Variants in TMTC2 observed in about 807,000 individuals in gnomAD.
TMTC2 encodes the protein transmembrane O-mannosyltransferase targeting cadherins 2.
A neutral mutation model predicts 82.4 loss-of-function variants in TMTC2; 43 were observed. That is an observed-to-expected ratio of 0.52 (90% confidence interval 0.41 to 0.67). TMTC2 has a LOEUF of 0.67. TMTC2 is among the 30% of genes least tolerant of loss of function. TMTC2 has a pLI of 0.00. For missense variants in TMTC2, 919 were observed against 1,012.4 expected (o/e 0.91, Z 1.25); for synonymous variants, 408 against 381.9 (o/e 1.07, Z -0.80).
In TMTC2 at chr12:83,051,575, C is replaced by T. The variant is rs554251218; in HGVS notation, c.2267+557C>T. On this transcript the variant is annotated intron_variant, in intron 10 of 11. Coordinates refer to ENST00000321196, the MANE Select transcript of TMTC2 (RefSeq NM_152588.3). ...CTAATTAAATGTCTCCAAAGCAAAA[C>T]ATTATGTCAGTAAACTGCATCTCAA... 7.2e-5 allele frequency among the ~76,000 whole-genome samples: 11 copies of T among 152,200 alleles called. No individual in the cohort carries two copies. The East Asian group carries it at 2.1e-3, about 29-fold the overall frequency.
intron 11 of TMTC2, among the ~76,000 whole-genome samples, chr12:83,095,024 A>T (rs1390276848): frequency 6.6e-6 from 1 of 152,200 alleles, no homozygotes; most frequent in East Asian, 1.9e-4. Context: ...AGATACTAGG[A>T]AATTCTGTGA....
rs1163943547 is a variant in TMTC2 at position 83,132,435 on chromosome 12, T to C, written c.*46T>C. 1 of 1,603,460 alleles carries C rather than the reference T, an allele frequency of 6.2e-7. No homozygotes were observed. The highest frequency in any genetic ancestry group is 2.2e-5 in the East Asian group (1 of 44,678). ...CCTCCTCCATTTTTAAAAGCTGGCT[T>C]CCTTAGCAGACAGAACTTCCCAGCA... On this transcript the variant is annotated 3_prime_UTR_variant, in exon 12 of 12. Transcript: ENST00000321196.
chr12:82,863,854 G>T (rs187030626), intron 2 of TMTC2, among the ~76,000 whole-genome samples: 1 of 152,134 alleles, frequency 6.6e-6, no homozygotes, highest in Non-Finnish European at 1.5e-5. Context: ...GTATGAAGTC[G>T]AGAATAGTGC....
chr12:83,030,094 G>A (rs540495200), intron 8 of TMTC2, among the ~76,000 whole-genome samples: 81 of 152,070 alleles, frequency 5.3e-4, no homozygotes, highest in Non-Finnish European at 7.5e-4. Context: ...TTACAGGCCT[G>A]TAAATATTTG....
intron 8 of TMTC2, among the ~76,000 whole-genome samples, chr12:83,009,967 C>A (rs551789680): frequency 9.2e-5 from 14 of 152,306 alleles, no homozygotes; most frequent in Non-Finnish European, 1.9e-4. Flanking sequence ...TGCCACTGAT[C>A]TGACAGGAGA....
At chr12:82,851,767 T>C (rs1322910003) in intron 1 of TMTC2, among the ~76,000 whole-genome samples, 1 of 152,204 alleles carries the variant, frequency 6.6e-6, no homozygotes, top group African/African-American at 2.4e-5. Context: ...TGGCCTTTGC[T>C]TACTTTCAAG....
chr12:82,973,893 A>G (rs1372106042), intron 7 of TMTC2, among the ~76,000 whole-genome samples: 1 of 152,184 alleles, frequency 6.6e-6, no homozygotes, highest in Admixed American at 6.5e-5. Flanking sequence ...TTAAAACCAC[A>G]AGAGCCCACC....
chr12:82,867,901 T>C (rs1871949194), intron 2 of TMTC2, among the ~76,000 whole-genome samples: 1 of 152,184 alleles, frequency 6.6e-6, no homozygotes, highest in Non-Finnish European at 1.5e-5. Flanking sequence ...ATTTGGTATT[T>C]GGCTAATCTT....
chr12:82,980,851 T>G (rs1016836585), intron 7 of TMTC2, among the ~76,000 whole-genome samples: 2 of 151,950 alleles, frequency 1.3e-5, no homozygotes, highest in Admixed American at 1.3e-4. Context: ...TTCTTCATTC[T>G]GAAGCACGAT....
chr12:82,838,310 G>A (rs1870157915), intron 1 of TMTC2, among the ~76,000 whole-genome samples: 2 of 152,142 alleles, frequency 1.3e-5, no homozygotes, highest in Non-Finnish European at 2.9e-5. Context: ...AATGACTAAT[G>A]CACCATAATC....
chr12:83,047,949 C>G (rs1882203421), intron 9 of TMTC2, among the ~76,000 whole-genome samples: 1 of 152,020 alleles, frequency 6.6e-6, no homozygotes, highest in South Asian at 2.1e-4. Context: ...GTAAAGGGAC[C>G]CCTTGTTATG....
chr12:82,921,947 A>AAAAAAAAAAATT, intron 3 of TMTC2, among the ~76,000 whole-genome samples: 1 of 142,282 alleles, frequency 7.0e-6, no homozygotes, highest in Non-Finnish European at 1.6e-5. Context: ...AATTAAAATT[A>AAAAAAAAAAATT]AAAAAAAAAA....
chr12:82,915,130 A>G (rs768219530), intron 3 of TMTC2, among the ~76,000 whole-genome samples: 9 of 152,052 alleles, frequency 5.9e-5, no homozygotes, highest in Non-Finnish European at 1.0e-4. Flanking sequence ...CGGCCTTACA[A>G]TTCTTTTACA....
intron 8 of TMTC2, among the ~76,000 whole-genome samples, chr12:83,029,398 A>G: frequency 6.6e-6 from 1 of 152,162 alleles, no homozygotes; most frequent in Non-Finnish European, 1.5e-5. Context: ...TTCTTCTTCC[A>G]ATGTGGCCCA....
intron 8 of TMTC2, among the ~76,000 whole-genome samples, chr12:83,027,673 G>T (rs1216343833): frequency 1.3e-5 from 2 of 152,142 alleles, no homozygotes; most frequent in Non-Finnish European, 2.9e-5. Context: ...GGTCAAAGCA[G>T]AAAGATGAGT....
At chr12:82,927,530 A>G (rs557647195) in intron 3 of TMTC2, among the ~76,000 whole-genome samples, 1 of 152,324 alleles carries the variant, frequency 6.6e-6, no homozygotes, top group South Asian at 2.1e-4. Flanking sequence ...ATCTTAGTTG[A>G]TAAAGCAGTT....
At chr12:82,865,443 T>G (rs1248857721) in intron 2 of TMTC2, among the ~76,000 whole-genome samples, 1 of 152,126 alleles carries the variant, frequency 6.6e-6, no homozygotes, top group Non-Finnish European at 1.5e-5. Context: ...AAGGGATCAA[T>G]TCAACAAGAA....
intron 8 of TMTC2, among the ~76,000 whole-genome samples, chr12:83,017,813 G>GAA (rs5799609): frequency 0.032 from 4,627 of 142,460 alleles, 239 homozygotes; most frequent in African/African-American, 0.11. Flanking sequence ...ATTTATAACT[G>GAA]AAAAAAAAAA....
chr12:83,008,023 TC>T (rs928517584), intron 8 of TMTC2, among the ~76,000 whole-genome samples: 2 of 152,328 alleles, frequency 1.3e-5, no homozygotes, highest in African/African-American at 2.4e-5. Flanking sequence ...GGTGATTTTT[TC>T]CCCCCTGTTT....
Sources: gnomAD v4.1 joint callset for allele counts (sites outside exome capture counted in the v4.1 genomes callset) on GRCh38, gnomAD v4.1.1 for gene constraint, MANE v1.5 for transcripts, NCBI Gene and HGNC (gene_info 2026-07-23, HGNC 2026-07-21) for gene names.